RYR2: variants seen among roughly 807,000 people sequenced by gnomAD.
The protein encoded by RYR2 is cardiac muscle ryanodine receptor-calcium release channel.
Under a neutral mutation model 601.1 loss-of-function variants are expected in RYR2, and 227 were observed. The ratio of observed to expected loss-of-function variants is 0.38; its 90% CI spans 0.34 to 0.42. The LOEUF (loss-of-function observed/expected upper bound fraction) is 0.42. RYR2 is among the 10% of genes least tolerant of loss of function. The probability of loss-of-function intolerance (pLI) is 1.00; values close to 1 mark genes in which losing one functional copy is unlikely to be tolerated. For missense variants in RYR2, 4,646 were observed against 6,156.5 expected, an observed-to-expected ratio of 0.75 and a Z score of 8.21; for synonymous variants, 2,223 against 2,175.1, an observed-to-expected ratio of 1.02 and a Z score of -0.61.
At chr1:237,285,914 CTT>C (rs1195224066) in intron 2 of RYR2, among the ~76,000 whole-genome samples, 1 of 152,118 alleles carries the variant, frequency 6.6e-6, no homozygotes, top group Non-Finnish European at 1.5e-5. Flanking sequence ...GAGTTTCTCT[CTT>C]CTTTTCTTCA....
intron 102 of RYR2, 137 bp from the exon 103 acceptor site, chr1:237,830,393 C>G (rs558179548): frequency 3.2e-6 from 2 of 616,460 alleles, no homozygotes; most frequent in African/African-American, 3.6e-5. Flanking sequence ...TATTCGTGGG[C>G]TTGGCACAGC....
At chr1:237,366,215 T>G (rs1005253553) in intron 5 of RYR2, among the ~76,000 whole-genome samples, 1 of 152,224 alleles carries the variant, frequency 6.6e-6, no homozygotes, top group African/African-American at 2.4e-5. Context: ...GCATTAGGAC[T>G]GTCCTAAGCC....
chr1:237,587,438 C>T (rs2779425), intron 29 of RYR2, among the ~76,000 whole-genome samples: 53,042 of 151,736 alleles, frequency 0.35, 11,004 homozygotes, highest in Admixed American at 0.47. Context: ...AAATTGGGAG[C>T]CATAGAGAAC....
In RYR2 at chr1:237,806,207, C is replaced by T. The variant is rs2149437594; in HGVS notation, c.14222C>T (p.Ala4741Val). 1 of 1,612,984 alleles carries T rather than the reference C, an allele frequency of 6.2e-7. No homozygotes were observed. Among genetic ancestry groups the T allele is most frequent in the East Asian group, 2.2e-5 (1 of 44,852 alleles). ...CACTATAACAACTTTTTTTTTGCCG[C>T]TCACCTTCTCGACATTGCTATGGGA... ...LGHYNNFFFAAHLLDIAMGFK... is the reference protein window; with the variant it reads ...LGHYNNFFFAVHLLDIAMGFK... Residue 4741 changes from alanine (A) to valine (V), a missense_variant, in exon 99 of 105, where the codon GCT becomes GTT. Ala to Val is a moderately conservative substitution (Grantham distance 64, BLOSUM62 0). Transcript: ENST00000366574.
intron 58 of RYR2, among the ~76,000 whole-genome samples, chr1:237,670,182 G>T (rs946805890): frequency 7.0e-4 from 106 of 151,112 alleles, no homozygotes; most frequent in African/African-American, 2.2e-3. Context: ...GCAGGCACTC[G>T]GCAGGCTGAG....
intron 25 of RYR2, 92 bp downstream of exon 25, chr1:237,530,602 T>C: frequency 9.9e-7 from 1 of 1,013,094 alleles, no homozygotes. Context: ...GCCTTGCTTT[T>C]ACTGAAGCTT....
rs554201474 is a variant in RYR2, at chr1:237,644,956, C to T, written c.7342+1509C>T. 5.3e-5 allele frequency among the ~76,000 whole-genome samples: 8 copies of T among 152,184 alleles called. No homozygotes were observed. In the East Asian group the frequency reaches 1.2e-3, roughly 22 times the overall value. On this transcript the variant is annotated intron_variant, in intron 48 of 104. Transcript: ENST00000366574. Reference sequence around the variant, plus strand: ...CCGAGGCAGGAGAATCGCTTGAACCCGGGGCAGTGGGGAGGTTGCAGTGAG... The same window carrying T: ...CCGAGGCAGGAGAATCGCTTGAACCTGGGGCAGTGGGGAGGTTGCAGTGAG...
At chr1:237,146,686 T>G (rs1443247758) in intron 1 of RYR2, among the ~76,000 whole-genome samples, 8 of 152,212 alleles carry the variant, frequency 5.3e-5, no homozygotes, top group Admixed American at 5.2e-4. Context: ...GTTGGGCTTT[T>G]TTGAATTGTC....
chr1:237,307,643 C>T (rs1417712294), intron 2 of RYR2, among the ~76,000 whole-genome samples: 1 of 152,130 alleles, frequency 6.6e-6, no homozygotes, highest in Non-Finnish European at 1.5e-5. Flanking sequence ...TTCTGTGAAA[C>T]TTCAGGGCTC....
intron 1 of RYR2, among the ~76,000 whole-genome samples, chr1:237,144,197 A>G (rs1231791141): frequency 3.3e-5 from 5 of 152,200 alleles, no homozygotes; most frequent in Non-Finnish European, 7.3e-5. Flanking sequence ...AAAGAGTGCC[A>G]AGACAGAAAT....
chr1:237,481,091 T>G (rs554531857), intron 17 of RYR2, among the ~76,000 whole-genome samples: 54 of 146,884 alleles, frequency 3.7e-4, no homozygotes, highest in Non-Finnish European at 5.2e-4. Context: ...AATTGTTATT[T>G]TTAAGTGTAT....
chr1:237,602,955 G>A (rs1676673946), intron 35 of RYR2, among the ~76,000 whole-genome samples: 2 of 152,220 alleles, frequency 1.3e-5, no homozygotes, highest in Admixed American at 1.3e-4. Context: ...TAGAGCCATG[G>A]AAGTCAGAAT....
At chr1:237,108,654 T>C (rs1182873186) in intron 1 of RYR2, among the ~76,000 whole-genome samples, 1 of 152,130 alleles carries the variant, frequency 6.6e-6, no homozygotes, top group Non-Finnish European at 1.5e-5. Flanking sequence ...CGGGAGTGTG[T>C]AGGGGCGTGG....
intron 2 of RYR2, among the ~76,000 whole-genome samples, chr1:237,295,491 T>C (rs1178134098): frequency 6.6e-6 from 1 of 152,180 alleles, no homozygotes; most frequent in East Asian, 1.9e-4. Flanking sequence ...ACATAAAATA[T>C]GTTACTCAAG....
At chr1:237,744,287 A>T (rs1691866299) in intron 80 of RYR2, among the ~76,000 whole-genome samples, 1 of 152,012 alleles carries the variant, frequency 6.6e-6, no homozygotes, top group Non-Finnish European at 1.5e-5. Flanking sequence ...ATGGTAGGAA[A>T]ATCAATCATA....
intron 1 of RYR2, among the ~76,000 whole-genome samples, chr1:237,209,060 T>C (rs1682246720): frequency 7.5e-6 from 1 of 133,404 alleles, no homozygotes; most frequent in Admixed American, 7.8e-5. Flanking sequence ...AACATATGTA[T>C]GTAACACTTA....
At position 237,278,454 on chromosome 1, in the gene RYR2, G is replaced by A. The variant is rs534406065; in HGVS notation, c.168+7838G>A. On this transcript the variant is annotated intron_variant, in intron 2 of 104. Coordinates refer to ENST00000366574, the MANE Select transcript of RYR2 (RefSeq NM_001035.3). ...TAGGAATATATTCATCTATCATATAGAAAAGAATATGTGCTCAGTCCCAGG... is the reference window on the plus strand; with the variant it reads ...TAGGAATATATTCATCTATCATATAAAAAAGAATATGTGCTCAGTCCCAGG... Among the ~76,000 whole-genome samples the A allele has an allele frequency of 4.6e-5, 7 of 151,886 alleles. No individual in the cohort carries two copies. The East Asian group carries it at 1.4e-3, about 29-fold the overall frequency.
rs773252606 is a variant in RYR2, at chr1:237,717,234, C to T, written c.10360C>T (p.Arg3454Cys). The change falls in exon 72 of 105, where the codon CGC becomes TGC. Residue 3454 changes from arginine (R) to cysteine (C), a missense_variant. Arg to Cys is a radical substitution (Grantham distance 180). This residue lies in a region of RYR2 where 1,497 missense variants were observed against 1,842.6 expected (regional missense o/e 0.81). Coordinates refer to ENST00000366574, the MANE Select transcript of RYR2 (RefSeq NM_001035.3). ...TGATCAGGAAAGGAAGAAAATGAAG[C>T]GCAAAGGAGATCGGTATTCCATGCA... ...VSDQERKKMKRKGDRYSMQTS... is the reference protein window; with the variant it reads ...VSDQERKKMKCKGDRYSMQTS... 17 of 1,613,494 alleles carry T rather than the reference C, an allele frequency of 1.1e-5. No individual in the cohort carries two copies. Among genetic ancestry groups the T allele is most frequent in the South Asian group, 6.6e-5 (6 of 91,018 alleles).
chr1:237,481,316 GT>G (rs1368015874), intron 17 of RYR2, among the ~76,000 whole-genome samples: 1 of 151,886 alleles, frequency 6.6e-6, no homozygotes, highest in Non-Finnish European at 1.5e-5. Flanking sequence ...TAATTTACCA[GT>G]TTATCTTATA....
Sources: gnomAD v4.1 joint callset for allele counts (sites outside exome capture counted in the v4.1 genomes callset) on GRCh38, gnomAD v4.1.1 for gene constraint, gnomAD v4.1.1 regional missense constraint, MANE v1.5 for transcripts, NCBI Gene and HGNC (gene_info 2026-07-23, HGNC 2026-07-21) for gene names.